Variants in GAPVD1 observed in about 807,000 individuals in gnomAD.
GAPVD1 encodes the protein GTPase activating protein and VPS9 domains 1.
GAPVD1 carries 35 observed loss-of-function variants against 155.5 expected under a neutral mutation model. That is an observed-to-expected ratio of 0.23 (90% CI 0.17 to 0.30). The LOEUF (loss-of-function observed/expected upper bound fraction) is 0.30, where lower values mean the gene tolerates loss of function less well. Ranked by LOEUF, GAPVD1 falls within the 10% of genes least tolerant of loss-of-function variation. The probability of loss-of-function intolerance (pLI) is 1.00; values close to 1 mark genes in which losing one functional copy is unlikely to be tolerated. For missense variants in GAPVD1, 1,429 were observed against 1,775.7 expected (o/e 0.80, Z 3.51); for synonymous variants, 636 against 619.7 (o/e 1.03, Z -0.39).
chr9:125,290,994 TAAAA>T (rs35661152), intron 2 of GAPVD1, among the ~76,000 whole-genome samples: 1 of 115,390 alleles, frequency 8.7e-6, no homozygotes, highest in African/African-American at 3.2e-5. Context: ...TGTCTCAAAG[TAAAA>T]AAAAAAAAAA....
intron 1 of GAPVD1, chr9:125,264,199 T>C: frequency 1.6e-6 from 1 of 611,792 alleles, no homozygotes; most frequent in Non-Finnish European, 2.9e-6. Context: ...TAGTCTTTTG[T>C]TTTGTTTTGT....
At chr9:125,271,515 AATACTT>A (rs779253864) in intron 2 of GAPVD1, among the ~76,000 whole-genome samples, 21 of 152,186 alleles carry the variant, frequency 1.4e-4, no homozygotes, top group East Asian at 1.9e-4. Context: ...AATTTTAACA[AATACTT>A]ATATTTTTCG....
At chr9:125,342,064 A>G in intron 18 of GAPVD1, 155 bp from the exon 19 acceptor site, 2 of 559,576 alleles carry the variant, frequency 3.6e-6, no homozygotes, top group South Asian at 2.4e-5. Context: ...AAAAACCTTC[A>G]TTACTATTTT....
Position 125,302,147 on chromosome 9 carries a change from G to A in GAPVD1, c.350G>A (p.Gly117Glu), listed in dbSNP as rs998860059. The A allele has an allele frequency of 3.1e-6, 5 of 1,613,880 alleles. No homozygotes were observed. The highest frequency in any genetic ancestry group is 4.2e-6 in the Non-Finnish European group (5 of 1,179,984). ...PRLIASSLVAGEKLNQENTQS... is the reference protein window; with the variant it reads ...PRLIASSLVAEEKLNQENTQS... ...CTTATTGCCTCCTCTTTGGTTGCTG[G>A]AGAGAAACTTAATCAGGAGAACACA... Residue 117 changes from glycine (G) to glutamate (E), a missense_variant, in exon 5 of 28, where the codon GGA (glycine) becomes GAA (glutamate). Transcript: ENST00000297933.
chr9:125,298,114 C>T (rs1007137211), intron 3 of GAPVD1, among the ~76,000 whole-genome samples: 2 of 152,040 alleles, frequency 1.3e-5, no homozygotes, highest in African/African-American at 4.8e-5. Flanking sequence ...AAGGAAGCAG[C>T]GAGATCACTT....
chr9:125,307,395 T>C lies in GAPVD1; in HGVS notation c.1117-18T>C. The stretch of plus-strand genomic sequence containing the variant: ...TTTTAAAGGGAAATGTTTCACTGTT[T>C]TTTTCCTGTTTTAACAGAGCTGTGT... On this transcript the variant is annotated intron_variant, in intron 6 of 27. Coordinates refer to ENST00000297933, the MANE Select transcript of GAPVD1 (RefSeq NM_001282680.3). The C allele has an allele frequency of 1.3e-6, 2 of 1,549,042 alleles. No individual in the cohort carries two copies. Among genetic ancestry groups the C allele is most frequent in the Admixed American group, 2.0e-5 (1 of 49,508 alleles).
At chr9:125,316,555 C>A (rs1328487395) in intron 9 of GAPVD1, among the ~76,000 whole-genome samples, 1 of 152,196 alleles carries the variant, frequency 6.6e-6, no homozygotes, top group Non-Finnish European at 1.5e-5. Context: ...TGTATCCCTG[C>A]AAAGGACATG....
intron 9 of GAPVD1, among the ~76,000 whole-genome samples, chr9:125,320,508 G>T (rs1302490496): frequency 1.3e-5 from 2 of 152,006 alleles, no homozygotes; most frequent in African/African-American, 4.8e-5. Flanking sequence ...AAATCTTGAT[G>T]CCTACAAAAT....
At chr9:125,321,702 T>G (rs769875343) in intron 10 of GAPVD1, 140 bp downstream of exon 10, 1 of 724,260 alleles carries the variant, frequency 1.4e-6, no homozygotes. Context: ...CTAATGAGCC[T>G]GAACAGTTGG....
intron 4 of GAPVD1, among the ~76,000 whole-genome samples, chr9:125,301,753 A>G (rs1454700798): frequency 1.3e-5 from 2 of 152,040 alleles, no homozygotes; most frequent in Non-Finnish European, 2.9e-5. Flanking sequence ...CCCAGCCCCA[A>G]TACTTTTCAT....
At chr9:125,263,449 A>AAAAAC (rs1379765442) in intron 1 of GAPVD1, 17 of 577,322 alleles carry the variant, frequency 2.9e-5, no homozygotes, top group Admixed American at 1.0e-4. Flanking sequence ...CTCCGTCTCA[A>AAAAAC]AAAACAAAAC....
rs774003860 is a variant in GAPVD1, at chr9:125,323,915, A to G, written c.1850A>G (p.His617Arg). ...GTTGAAGCTCTACAGCTGTTAGAAC[A>G]TGAGCAAGGTAAAGTGAAGTTGAAC... is the stretch of plus-strand genomic sequence containing the variant. ...NGVEALQLLE[H>R]EQATTQDNLD... The change falls in exon 11 of 28, where the codon CAT (histidine) becomes CGT (arginine). Residue 617 changes from histidine (H) to arginine (R), a missense_variant. By Grantham distance (29) the His-to-Arg change is conservative. Around this residue, in one of 4 missense-constraint regions of GAPVD1, gnomAD observed 628 missense variants for 733.4 expected, o/e 0.86. Coordinates refer to ENST00000297933, the MANE Select transcript of GAPVD1 (RefSeq NM_001282680.3). The G allele has an allele frequency of 6.2e-6, 10 of 1,613,364 alleles. No homozygotes were observed. In the East Asian group the frequency reaches 6.7e-5, roughly 11 times the overall value.
intron 11 of GAPVD1, 57 bp downstream of exon 11, chr9:125,323,980 A>G: frequency 6.6e-7 from 1 of 1,511,236 alleles, no homozygotes; most frequent in East Asian, 2.3e-5. Flanking sequence ...TGATTGCAAG[A>G]TGAGCAGTGT....
intron 13 of GAPVD1, among the ~76,000 whole-genome samples, chr9:125,331,204 ATT>A (rs5900651): frequency 3.0e-4 from 44 of 146,562 alleles, no homozygotes; most frequent in Middle Eastern, 3.5e-3. Context: ...GTGTTTTATA[ATT>A]TTTTTTTTTT....
intron 2 of GAPVD1, among the ~76,000 whole-genome samples, chr9:125,285,545 T>G (rs1275083892): frequency 1.4e-5 from 2 of 144,880 alleles, no homozygotes; most frequent in Non-Finnish European, 3.0e-5. Flanking sequence ...GTGATTCTCC[T>G]GCCTTCTGGG....
chr9:125,272,912 G>T (rs1835152783), intron 2 of GAPVD1, among the ~76,000 whole-genome samples: 1 of 152,106 alleles, frequency 6.6e-6, no homozygotes, highest in Admixed American at 6.6e-5. Flanking sequence ...TGCAGCTGAG[G>T]CTCAAAGTTC....
intron 9 of GAPVD1, among the ~76,000 whole-genome samples, chr9:125,318,831 T>C (rs966127350): frequency 2.0e-5 from 3 of 151,286 alleles, no homozygotes; most frequent in East Asian, 1.9e-4. Flanking sequence ...AGAAGGATCC[T>C]TGGGTCCAGG....
intron 8 of GAPVD1, among the ~76,000 whole-genome samples, chr9:125,311,634 A>G (rs1369429992): frequency 6.6e-6 from 1 of 151,940 alleles, no homozygotes; most frequent in African/African-American, 2.4e-5. Context: ...AAAAACCAAC[A>G]CTGATTCTGG....
At chr9:125,266,879 G>C (rs1834066302) in intron 1 of GAPVD1, among the ~76,000 whole-genome samples, 1 of 151,996 alleles carries the variant, frequency 6.6e-6, no homozygotes, top group Non-Finnish European at 1.5e-5. Flanking sequence ...TCCTGCCTCA[G>C]CCTCCTGAGT....
Sources: gnomAD v4.1 joint callset for allele counts (sites outside exome capture counted in the v4.1 genomes callset) on GRCh38, gnomAD v4.1.1 for gene constraint, gnomAD v4.1.1 regional missense constraint, MANE v1.5 for transcripts, NCBI Gene and HGNC (gene_info 2026-07-23, HGNC 2026-07-21) for gene names.